Variants in ROGDI observed in about 807,000 individuals in gnomAD.
ROGDI encodes the protein rogdi atypical leucine zipper.
ROGDI carries 46 observed loss-of-function variants against 43.1 expected under a neutral mutation model. That is an observed-to-expected ratio of 1.07 (90% CI 0.84 to 1.37). The LOEUF (loss-of-function observed/expected upper bound fraction) is 1.37. Ranked by LOEUF, ROGDI falls within the 40% of genes most tolerant of loss-of-function variation. The probability of loss-of-function intolerance (pLI) is 0.00; values close to 1 mark genes in which losing one functional copy is unlikely to be tolerated. For synonymous variants in ROGDI, 243 were observed against 162.0 expected, an observed-to-expected ratio of 1.50 and a Z score of -3.80; for missense variants, 518 against 383.9, an observed-to-expected ratio of 1.35 and a Z score of -2.92.
rs1313189569 is a variant in ROGDI, at chr16:4,798,551, G to A, written c.531+18C>T. On this transcript the variant is annotated intron_variant, in intron 7 of 10. Coordinates refer to ENST00000322048, the MANE Select transcript of ROGDI (RefSeq NM_024589.3). Reference sequence around the variant, plus strand: ...GTGGGACCCCTCTCCTGCAGCAGGGGCTGGCAGGGGCACTGACCGTGAGGC... The same window carrying A: ...GTGGGACCCCTCTCCTGCAGCAGGGACTGGCAGGGGCACTGACCGTGAGGC... The A allele has an allele frequency of 2.6e-6, 4 of 1,526,086 alleles. No homozygotes were observed. The highest frequency in any genetic ancestry group is 3.5e-6 in the Non-Finnish European group (4 of 1,138,424). 94.5% of individuals were successfully genotyped at this position (1,526,086 alleles called of 1,614,324 possible).
chr16:4,801,146 ACTGAGGCCAG>A (rs1204405468), intron 4 of ROGDI, 111 bp downstream of exon 4: 2 of 755,388 alleles, frequency 2.6e-6, no homozygotes, highest in African/African-American at 3.5e-5. Flanking sequence ...AAAGGAGAAA[ACTGAGGCCAG>A]AGAGATCAAG....
Position 4,802,397 on chromosome 16 carries a change from C to T in ROGDI, c.102G>A (p.Leu34=). 6.4e-7 allele frequency: 1 copy of T among 1,570,644 alleles called. No individual in the cohort carries two copies. The highest frequency in any genetic ancestry group is 8.6e-7 in the Non-Finnish European group (1 of 1,162,494). Residue 34 remains leucine (L), a synonymous_variant, in exon 2 of 11, where the codon CTG becomes CTA. Transcript: ENST00000322048. The part of the protein sequence containing the change: ...HDEVHAVLKQ[L]QDILKEASLR... The stretch of plus-strand genomic sequence containing the variant: ...GGGTCGTTACCTTGAGGATGTCCTG[C>T]AGCTGCTTCAACACAGCGTGCACCT...
Position 4,797,762 on chromosome 16 carries a change from C to A in ROGDI, c.774G>T (p.Leu258=). 7.5e-6 allele frequency: 12 copies of A among 1,600,896 alleles called. No individual in the cohort carries two copies. Among genetic ancestry groups the A allele is most frequent in the Non-Finnish European group, 1.0e-5 (12 of 1,174,906 alleles). ...GCTGCAGGGAGACGGTGAAGTAGAC[C>A]AGGGCGTCGTTGAGCCAGGGGATCA... is the stretch of plus-strand genomic sequence containing the variant. The part of the protein sequence containing the change: ...ECVIPWLNDA[L]VYFTVSLQLC... The change falls in exon 10 of 11, where the codon CTG becomes CTT. Residue 258 remains leucine (L), a synonymous_variant. Transcript: ENST00000322048.
intron 6 of ROGDI, 104 bp from the exon 7 acceptor site, chr16:4,798,771 T>G: frequency 2.1e-6 from 2 of 972,454 alleles, no homozygotes; most frequent in East Asian, 2.7e-5. Context: ...GTGGCTACTG[T>G]TCCCAGGTCC....
Position 4,797,908 on chromosome 16 carries a change from T to C in ROGDI, c.695+30A>G, listed in dbSNP as rs111319872. On this transcript the variant is annotated intron_variant, in intron 9 of 10. Transcript: ENST00000322048. ...CAGGTGTGGAGGGATGGGGTGGGCG[T>C]GCCTGGACCCCCCGCCCCTGCCTAC... 5,623 of 1,600,552 alleles carry C rather than the reference T, an allele frequency of 3.5e-3. 151 individuals carry two copies. The African/African-American group carries it at 0.062, about 18-fold the overall frequency.
intron 2 of ROGDI, chr16:4,802,052 C>T (rs1385924063): frequency 3.3e-6 from 2 of 601,720 alleles, no homozygotes; most frequent in African/African-American, 3.6e-5. Context: ...CAGGGAGGTT[C>T]AGTGACTTGG....
At chr16:4,800,017 G>C (rs1176307625) in intron 5 of ROGDI, among the ~76,000 whole-genome samples, 2 of 152,172 alleles carry the variant, frequency 1.3e-5, no homozygotes, top group East Asian at 3.9e-4. Context: ...TAATGCCCAA[G>C]ACAAGAGTCT....
Position 4,797,434 on chromosome 16 carries a change from T to TG in ROGDI, c.*25dup. 6.2e-7 allele frequency: 1 copy of TG among 1,608,076 alleles called. No individual in the cohort carries two copies. The highest frequency in any genetic ancestry group is 8.5e-7 in the Non-Finnish European group (1 of 1,176,890). On this transcript the variant is annotated 3_prime_UTR_variant, in exon 11 of 11. Transcript: ENST00000322048. ...TGAGTAGGGGACGGGGCCGCCTTCC[T>TG]GGAGACAAGCTCCTGGGTGCTGTGA...
intron 6 of ROGDI, among the ~76,000 whole-genome samples, chr16:4,799,348 G>A (rs2082690820): frequency 6.6e-6 from 1 of 152,126 alleles, no homozygotes; most frequent in Non-Finnish European, 1.5e-5. Flanking sequence ...ACCACCGGAG[G>A]ACACACAGCA....
chr16:4,801,985 C>T (rs907845577), intron 2 of ROGDI: 9 of 579,484 alleles, frequency 1.6e-5, no homozygotes, highest in African/African-American at 7.3e-5. Flanking sequence ...TATCTACACC[C>T]CAGCCTCGCG....
Position 4,797,951 on chromosome 16 carries a change from G to C in ROGDI, c.682C>G (p.Pro228Ala), listed in dbSNP as rs1420032514. ...CTGCCTACTTACAACATGGCCCCAG[G>C]GCTATGCAGCACCGCGCCCCCAGCT... is the stretch of plus-strand genomic sequence containing the variant. ...RPAGGAVLHS[P>A]GAMFEWGSQR... Residue 228 changes from proline to alanine, a missense_variant, in exon 9 of 11, where the codon CCT (proline) becomes GCT (alanine). Physicochemically the swap from Pro to Ala is conservative, Grantham distance 27 (BLOSUM62 -1). Transcript: ENST00000322048. 5 of 1,604,532 alleles carry C rather than the reference G, an allele frequency of 3.1e-6. No homozygotes were observed. Among genetic ancestry groups the C allele is most frequent in the Non-Finnish European group, 4.3e-6 (5 of 1,174,098 alleles).
chr16:4,799,805 G>A (rs1596276663), intron 5 of ROGDI, 24 bp from the exon 6 acceptor site: 2 of 1,565,382 alleles, frequency 1.3e-6, no homozygotes, highest in Admixed American at 1.7e-5. Context: ...TCATCCAGAG[G>A]GGTCACGCCA....
At chr16:4,797,616 T>TATGGG in intron 10 of ROGDI, 98 bp downstream of exon 10, 2 of 524,046 alleles carry the variant, frequency 3.8e-6, no homozygotes, top group South Asian at 6.4e-5. Flanking sequence ...CTCGCAGTGC[T>TATGGG]GTGGGGTACA....
intron 2 of ROGDI, chr16:4,802,039 GC>G (rs2082733277): frequency 1.7e-6 from 1 of 590,160 alleles, no homozygotes; most frequent in Non-Finnish European, 3.2e-6. Context: ...GAAAAGGGAG[GC>G]CCAGGGAGGT....
chr16:4,800,582 A>G lies in ROGDI; in HGVS notation c.256-4T>C, dbSNP rs1455512655. 1.3e-6 allele frequency: 2 copies of G among 1,563,148 alleles called. No homozygotes were observed. Among genetic ancestry groups the G allele is most frequent in the African/African-American group, 2.7e-5 (2 of 73,778 alleles). Reference sequence around the variant, plus strand: ...GGGGCATCTTCAGGTTCACATCCTGACAGGCAAGAGTGGGGTGAGCTGGGC... The same window carrying G: ...GGGGCATCTTCAGGTTCACATCCTGGCAGGCAAGAGTGGGGTGAGCTGGGC... On this transcript the variant is annotated splice_polypyrimidine_tract_variant and splice_region_variant and intron_variant, in intron 4 of 10. Coordinates refer to ENST00000322048, the MANE Select transcript of ROGDI (RefSeq NM_024589.3).
chr16:4,801,272 G>C lies in ROGDI; in HGVS notation c.250C>G (p.Gln84Glu). Reference sequence around the variant, plus strand: ...GACAGGGCCGGGGGACTCACCGCCTGGCTGAGGGCATCCCCCTGCAGAGTC... The same window carrying C: ...GACAGGGCCGGGGGACTCACCGCCTCGCTGAGGGCATCCCCCTGCAGAGTC... ...VLTLQGDALS[Q>E]ADVNLKMPRN... is the part of the protein sequence containing the mutation. Residue 84 changes from glutamine (Q) to glutamate (E), a missense_variant, in exon 4 of 11, where the codon CAG becomes GAG. By Grantham distance (29) the Gln-to-Glu change is conservative (BLOSUM62 2). Transcript: ENST00000322048. The C allele has an allele frequency of 6.2e-7, 1 of 1,606,614 alleles. No individual in the cohort carries two copies.
In ROGDI at chr16:4,798,261, A is replaced by G. The variant is rs2082678857; in HGVS notation, c.532-77T>C. ...ATGGAGCGGGGCTCTGCAGTCACTC[A>G]TGGAGTCTGCAGGGGATCCCAGTCC... is the stretch of plus-strand genomic sequence containing the variant. On this transcript the variant is annotated intron_variant, in intron 7 of 10. Coordinates refer to ENST00000322048, the MANE Select transcript of ROGDI (RefSeq NM_024589.3). The G allele has an allele frequency of 9.9e-6, 12 of 1,214,310 alleles. No individual in the cohort carries two copies. The South Asian group carries it at 1.3e-4, about 13-fold the overall frequency. 75.2% of individuals were successfully genotyped at this position (1,214,310 alleles called of 1,614,324 possible).
intron 6 of ROGDI, 86 bp from the exon 7 acceptor site, chr16:4,798,753 C>A (rs1225168304): frequency 4.5e-6 from 5 of 1,119,910 alleles, no homozygotes. Flanking sequence ...CCACTCCCAC[C>A]CAGCCCAGTG....
intron 5 of ROGDI, among the ~76,000 whole-genome samples, chr16:4,800,022 G>A (rs1406349836): frequency 1.3e-5 from 2 of 152,186 alleles, no homozygotes; most frequent in Non-Finnish European, 2.9e-5. Flanking sequence ...CCCAAGACAA[G>A]AGTCTGTGCG....
Sources: gnomAD v4.1 joint callset for allele counts (sites outside exome capture counted in the v4.1 genomes callset) on GRCh38, gnomAD v4.1.1 for gene constraint, MANE v1.5 for transcripts, NCBI Gene and HGNC (gene_info 2026-07-23, HGNC 2026-07-21) for gene names.